Variants in GPHN observed in about 807,000 individuals in gnomAD.
GPHN encodes gephyrin.
In GPHN, 17 loss-of-function variants were observed where a neutral mutation model predicts 95.5. The observed-to-expected ratio is 0.18, with a 90% CI of 0.12 to 0.27. The LOEUF (loss-of-function observed/expected upper bound fraction) is 0.27. Among genes scored for constraint, GPHN ranks in the 10% least tolerant of loss-of-function variants. GPHN has a pLI of 1.00. For missense variants in GPHN, 660 were observed against 978.1 expected, an observed-to-expected ratio of 0.67 and a Z score of 4.34; for synonymous variants, 320 against 322.5, an observed-to-expected ratio of 0.99 and a Z score of 0.08.
chr14:67,577,284 G>T, the GPHN span: 1 of 1,528,554 alleles, frequency 6.5e-7, no homozygotes, highest in South Asian at 1.2e-5. Flanking sequence ...TTGCTCTCTG[G>T]TTCCGTGCTT....
the GPHN span, among the ~76,000 whole-genome samples, chr14:67,557,910 G>A: frequency 1.3e-5 from 2 of 152,210 alleles, no homozygotes; most frequent in Non-Finnish European, 2.9e-5. Flanking sequence ...TATGATCAGA[G>A]CTGCACAGAG....
the GPHN span, among the ~76,000 whole-genome samples, chr14:67,278,185 C>CA: frequency 6.6e-6 from 1 of 151,994 alleles, no homozygotes; most frequent in Non-Finnish European, 1.5e-5. Context: ...TACAGACACC[C>CA]ACCACCACAC....
At chr14:66,554,946 C>T (rs933944133) in intron 1 of GPHN, among the ~76,000 whole-genome samples, 4 of 152,128 alleles carry the variant, frequency 2.6e-5, no homozygotes, top group Non-Finnish European at 5.9e-5. Flanking sequence ...TAGAAGCCTT[C>T]ATATATTCTA....
At chr14:67,219,240 T>C in the GPHN span, among the ~76,000 whole-genome samples, 1 of 152,216 alleles carries the variant, frequency 6.6e-6, no homozygotes, top group South Asian at 2.1e-4. Flanking sequence ...TAGGTGTTTT[T>C]GGTAGCAATG....
chr14:67,301,901 A>G, the GPHN span: 3 of 1,477,268 alleles, frequency 2.0e-6, no homozygotes, highest in Admixed American at 2.3e-5. Flanking sequence ...TACTATGTAC[A>G]TAGGTTAAAA....
chr14:66,956,623 C>A (rs1413857937), intron 8 of GPHN, among the ~76,000 whole-genome samples: 1 of 151,940 alleles, frequency 6.6e-6, no homozygotes, highest in Non-Finnish European at 1.5e-5. Flanking sequence ...ATTTGCATTT[C>A]TCTGATGGCC....
chr14:66,566,604 CA>C (rs775894742), intron 1 of GPHN, among the ~76,000 whole-genome samples: 44 of 152,158 alleles, frequency 2.9e-4, no homozygotes, highest in Non-Finnish European at 5.1e-4. Context: ...CCTTGAGGGA[CA>C]GAATTTTATC....
chr14:67,679,975 C>T, the GPHN span, among the ~76,000 whole-genome samples: 3 of 152,294 alleles, frequency 2.0e-5, no homozygotes, highest in East Asian at 5.8e-4. Context: ...TATATGCAAA[C>T]TCTTAACACT....
chr14:66,640,465 T>G (rs2064331787), intron 1 of GPHN, among the ~76,000 whole-genome samples: 1 of 152,158 alleles, frequency 6.6e-6, no homozygotes, highest in Non-Finnish European at 1.5e-5. Context: ...GGAAGACATT[T>G]ACAATAGTTT....
chr14:66,604,737 C>T (rs539931262), intron 1 of GPHN, among the ~76,000 whole-genome samples: 3 of 152,006 alleles, frequency 2.0e-5, no homozygotes, highest in African/African-American at 7.2e-5. Context: ...GGTACATGTA[C>T]AGATTTGTTA....
At chr14:67,649,440 A>G in the GPHN span, 4 of 152,156 alleles carry the variant, frequency 2.6e-5, no homozygotes, top group African/African-American at 9.7e-5. Context: ...CACTGTTATA[A>G]TGCTGTCAAC....
chr14:66,828,727 A>G (rs1476050397), intron 4 of GPHN, among the ~76,000 whole-genome samples: 1 of 152,154 alleles, frequency 6.6e-6, no homozygotes, highest in African/African-American at 2.4e-5. Context: ...AGATTTTGTC[A>G]ATGGGTATGA....
the GPHN span, among the ~76,000 whole-genome samples, chr14:67,627,009 G>C: frequency 1.3e-5 from 2 of 152,110 alleles, no homozygotes; most frequent in Admixed American, 6.5e-5. Context: ...GAACTGTCTA[G>C]AACAGGCAAA....
At chr14:67,509,815 T>C in the GPHN span, among the ~76,000 whole-genome samples, 5,277 of 152,218 alleles carry the variant, frequency 0.035, 357 homozygotes, top group East Asian at 0.27. Flanking sequence ...GAGACCAGCC[T>C]GTGCAACATA....
chr14:67,275,154 G>C, the GPHN span, among the ~76,000 whole-genome samples: 2 of 152,126 alleles, frequency 1.3e-5, no homozygotes, highest in Non-Finnish European at 2.9e-5. Context: ...TTCCAACACT[G>C]TGTTGAATAG....
At chr14:67,260,212 G>A in the GPHN span, among the ~76,000 whole-genome samples, 1 of 152,166 alleles carries the variant, frequency 6.6e-6, no homozygotes, top group East Asian at 1.9e-4. Context: ...GTAAAATTAT[G>A]AATGAGGACA....
the GPHN span, among the ~76,000 whole-genome samples, chr14:67,681,894 CAT>C: frequency 2.0e-5 from 3 of 152,284 alleles, no homozygotes; most frequent in East Asian, 5.8e-4. Context: ...TAAAAAATCA[CAT>C]GTTGGAAACT....
chr14:66,684,642 A>G (rs1376095273), intron 2 of GPHN, among the ~76,000 whole-genome samples: 1 of 152,200 alleles, frequency 6.6e-6, no homozygotes, highest in African/African-American at 2.4e-5. Context: ...TGAATGAACC[A>G]AGTGAGCTAT....
intron 17 of GPHN, among the ~76,000 whole-genome samples, chr14:67,130,757 C>T (rs1056447731): frequency 6.6e-6 from 1 of 152,138 alleles, no homozygotes; most frequent in African/African-American, 2.4e-5. Flanking sequence ...TGCAGCCTCA[C>T]CAAGATCTAT....
Sources: gnomAD v4.1 joint callset for allele counts (sites outside exome capture counted in the v4.1 genomes callset) on GRCh38, gnomAD v4.1.1 for gene constraint, MANE v1.5 for transcripts, NCBI Gene and HGNC (gene_info 2026-07-23, HGNC 2026-07-21) for gene names.